The following ASIC2 variants were observed in gnomAD, a reference collection of about 807,000 sequenced individuals.
The protein encoded by ASIC2 is acid-sensing ion channel 2.
Under a neutral mutation model 57.3 loss-of-function variants are expected in ASIC2, and 25 were observed. The observed-to-expected ratio is 0.44, with a 90% CI of 0.32 to 0.61. The LOEUF (loss-of-function observed/expected upper bound fraction) is 0.61. Among genes scored for constraint, ASIC2 ranks in the 20% least tolerant of loss-of-function variants. The pLI, the probability that ASIC2 is intolerant of heterozygous loss-of-function variation, is 0.06. For missense variants in ASIC2, 641 were observed against 738.1 expected (o/e 0.87, Z 1.52); for synonymous variants, 319 against 307.5 (o/e 1.04, Z -0.39).
chr17:33,174,949 C>T (rs1282816849), intron 1 of ASIC2, among the ~76,000 whole-genome samples: 1 of 152,160 alleles, frequency 6.6e-6, no homozygotes, highest in Non-Finnish European at 1.5e-5. Context: ...TGTCTCTGTC[C>T]TTGTGGATGG....
chr17:33,874,512 G>T (rs964992275), intron 1 of ASIC2, among the ~76,000 whole-genome samples: 1 of 152,152 alleles, frequency 6.6e-6, no homozygotes, highest in South Asian at 2.1e-4. Context: ...CATTCTTCCT[G>T]CCGTGTCCTC....
intron 1 of ASIC2, among the ~76,000 whole-genome samples, chr17:33,800,013 T>C (rs1175843426): frequency 6.6e-6 from 1 of 152,190 alleles, no homozygotes; most frequent in East Asian, 1.9e-4. Flanking sequence ...CATGCAAATG[T>C]CCTGGACTCT....
intron 1 of ASIC2, among the ~76,000 whole-genome samples, chr17:33,665,818 C>T (rs1234849928): frequency 1.3e-5 from 2 of 152,114 alleles, no homozygotes; most frequent in African/African-American, 4.8e-5. Context: ...GAGGGAGTAT[C>T]TCCCTGTGGC....
chr17:33,170,931 C>A (rs1370465257), intron 1 of ASIC2, among the ~76,000 whole-genome samples: 1 of 152,214 alleles, frequency 6.6e-6, no homozygotes, highest in Admixed American at 6.5e-5. Flanking sequence ...ACATATGGCA[C>A]CCCTTTCACT....
At chr17:33,605,447 T>C (rs1464540516) in intron 1 of ASIC2, among the ~76,000 whole-genome samples, 1 of 152,234 alleles carries the variant, frequency 6.6e-6, no homozygotes, top group East Asian at 1.9e-4. Context: ...TAGTAGTTTT[T>C]ATCACTTTCA....
intron 1 of ASIC2, among the ~76,000 whole-genome samples, chr17:33,751,398 A>G (rs188141544): frequency 3.9e-5 from 5 of 129,406 alleles, no homozygotes; most frequent in African/African-American, 1.2e-4. Context: ...GCCACCTTCT[A>G]GAATAAACAG....
intron 1 of ASIC2, among the ~76,000 whole-genome samples, chr17:33,115,196 G>A (rs2092276170): frequency 6.6e-6 from 1 of 152,204 alleles, no homozygotes. Context: ...GCTGGGGCAA[G>A]TTCACAAACG....
intron 1 of ASIC2, among the ~76,000 whole-genome samples, chr17:33,377,937 T>A (rs1909339967): frequency 6.6e-6 from 1 of 152,214 alleles, no homozygotes; most frequent in Admixed American, 6.5e-5. Flanking sequence ...TGGGGCTCCA[T>A]AAGGCCACTG....
At chr17:33,247,393 T>C (rs1341508257) in intron 1 of ASIC2, among the ~76,000 whole-genome samples, 1 of 152,198 alleles carries the variant, frequency 6.6e-6, no homozygotes, top group African/African-American at 2.4e-5. Context: ...TGAGAGATCT[T>C]AGGTGTCCAT....
chr17:33,207,205 G>A (rs531790231), intron 1 of ASIC2, among the ~76,000 whole-genome samples: 1 of 152,348 alleles, frequency 6.6e-6, no homozygotes, highest in South Asian at 2.1e-4. Context: ...CGAAGAGGAC[G>A]GACGGAAGTG....
intron 1 of ASIC2, among the ~76,000 whole-genome samples, chr17:34,095,555 T>C (rs1270924144): frequency 6.8e-6 from 1 of 146,566 alleles, no homozygotes; most frequent in Non-Finnish European, 1.5e-5. Context: ...CATGAAAAAA[T>C]GAGATTGGTA....
At chr17:33,365,748 T>C (rs1483295776) in intron 1 of ASIC2, among the ~76,000 whole-genome samples, 1 of 152,206 alleles carries the variant, frequency 6.6e-6, no homozygotes, top group Non-Finnish European at 1.5e-5. Context: ...ATCCCCTTTT[T>C]ATTTCATTTC....
At chr17:34,092,513 C>G (rs1265538511) in intron 1 of ASIC2, among the ~76,000 whole-genome samples, 2 of 152,082 alleles carry the variant, frequency 1.3e-5, no homozygotes, top group South Asian at 2.1e-4. Flanking sequence ...GGGAGCTGGT[C>G]TGGCCCTGTA....
intron 9 of ASIC2, among the ~76,000 whole-genome samples, chr17:33,014,555 G>T (rs1356170774): frequency 6.6e-6 from 1 of 152,020 alleles, no homozygotes; most frequent in Non-Finnish European, 1.5e-5. Context: ...GACTTTTAGG[G>T]TTAAGCTGGA....
At chr17:33,490,102 A>G (rs1913705777) in intron 1 of ASIC2, among the ~76,000 whole-genome samples, 1 of 152,264 alleles carries the variant, frequency 6.6e-6, no homozygotes, top group South Asian at 2.1e-4. Flanking sequence ...TTCTGTAAAT[A>G]AAGTTTTATT....
rs564872277 is a variant in ASIC2 at position 33,858,808 on chromosome 17, A to G, written c.555+297170T>C. On this transcript the variant is annotated intron_variant, in intron 1 of 9. Coordinates refer to the ASIC2 transcript ENST00000359872. ...ACAGGTTGTTGAAGGTAGTGCAACC[A>G]TTGAACCATGCCAGACACAAGGAGG... Among the ~76,000 whole-genome samples, 359 of 152,306 alleles carry G rather than the reference A, an allele frequency of 2.4e-3. 4 individuals are homozygous for G. The highest frequency in any genetic ancestry group is 8.4e-3 in the African/African-American group (348 of 41,576).
At chr17:34,033,935 A>C (rs1485672123) in intron 1 of ASIC2, among the ~76,000 whole-genome samples, 1 of 152,236 alleles carries the variant, frequency 6.6e-6, no homozygotes, top group African/African-American at 2.4e-5. Context: ...CAGAGGTACA[A>C]AGAGGAGCTG....
intron 1 of ASIC2, among the ~76,000 whole-genome samples, chr17:33,260,753 C>G (rs964200137): frequency 2.6e-5 from 4 of 152,168 alleles, no homozygotes; most frequent in African/African-American, 9.7e-5. Context: ...CTTGGGACAG[C>G]CCCCGTCCCT....
intron 1 of ASIC2, among the ~76,000 whole-genome samples, chr17:34,129,293 G>A (rs1911883896): frequency 6.6e-6 from 1 of 152,164 alleles, no homozygotes; most frequent in Admixed American, 6.5e-5. Context: ...GGTGGAACCA[G>A]CATCCAAGCC....
Sources: allele counts gnomAD v4.1 joint callset (sites outside exome capture counted in the v4.1 genomes callset), GRCh38; gene constraint gnomAD v4.1.1; transcripts MANE v1.5; gene names NCBI Gene and HGNC (gene_info 2026-07-23, HGNC 2026-07-21).